The following DCAF8L2 variants were observed in gnomAD, a reference collection of about 807,000 sequenced individuals.
The protein encoded by DCAF8L2 is DDB1- and CUL4-associated factor 8-like protein 2.
For missense variants in DCAF8L2, 430 were observed against 490.7 expected, an observed-to-expected ratio of 0.88 and a Z score of 1.17; for synonymous variants, 200 against 190.9, an observed-to-expected ratio of 1.05 and a Z score of -0.39.
At chrX:27,709,953 C>A (rs950103722) in intron 3 of DCAF8L2, among the ~76,000 whole-genome samples, 8 of 94,173 alleles carry the variant, frequency 8.5e-5, no homozygotes, top group African/African-American at 2.9e-4. Flanking sequence ...ATATGCCCTA[C>A]TTTTTCTAGG....
At chrX:27,600,229 A>G (rs1011006475) in intron 1 of DCAF8L2, among the ~76,000 whole-genome samples, 2 of 112,199 alleles carry the variant, frequency 1.8e-5, no homozygotes, top group African/African-American at 6.5e-5. Context: ...AAACAGTTAA[A>G]TACAGTAAAA....
chrX:27,484,677 T>C, the DCAF8L2 span, among the ~76,000 whole-genome samples: 1 of 111,660 alleles, frequency 9.0e-6, no homozygotes, highest in Admixed American at 9.6e-5. Context: ...GTGTATGTTT[T>C]AGATGATTCC....
the DCAF8L2 span, among the ~76,000 whole-genome samples, chrX:27,472,589 G>A: frequency 9.0e-6 from 1 of 110,734 alleles, no homozygotes; most frequent in African/African-American, 3.3e-5. Flanking sequence ...TCCCCTCCCT[G>A]TATCCATGTT....
At chrX:27,556,650 T>A in the DCAF8L2 span, among the ~76,000 whole-genome samples, 1 of 111,936 alleles carries the variant, frequency 8.9e-6, no homozygotes, top group African/African-American at 3.2e-5. Flanking sequence ...TGAAGTGCCA[T>A]AAGAACATGA....
intron 2 of DCAF8L2, among the ~76,000 whole-genome samples, chrX:27,672,535 C>G (rs904731464): frequency 8.9e-6 from 1 of 111,915 alleles, no homozygotes; most frequent in Non-Finnish European, 1.9e-5. Flanking sequence ...ACAGCCACTG[C>G]CTCTTTGTAG....
intron 3 of DCAF8L2, among the ~76,000 whole-genome samples, chrX:27,697,696 A>G (rs1400164112): frequency 9.0e-6 from 1 of 111,406 alleles, no homozygotes; most frequent in Non-Finnish European, 1.9e-5. Flanking sequence ...TTGAAAATAG[A>G]CTGTCTCTAG....
chrX:27,677,302 A>T (rs183597603), intron 2 of DCAF8L2, among the ~76,000 whole-genome samples: 1 of 111,922 alleles, frequency 8.9e-6, no homozygotes, highest in East Asian at 2.8e-4. Flanking sequence ...AAAAGTACAC[A>T]TGGTTGATGC....
At chrX:27,476,823 C>G in the DCAF8L2 span, among the ~76,000 whole-genome samples, 1 of 111,952 alleles carries the variant, frequency 8.9e-6, no homozygotes, top group East Asian at 2.8e-4. Context: ...TTTTTTCTTG[C>G]AGCATTGTTT....
At chrX:27,492,110 C>T in the DCAF8L2 span, among the ~76,000 whole-genome samples, 1 of 112,402 alleles carries the variant, frequency 8.9e-6, no homozygotes, top group African/African-American at 3.2e-5. Context: ...TCCATTTTCT[C>T]TCTCAATTGC....
At chrX:27,722,925 A>T (rs192557752) in intron 4 of DCAF8L2, among the ~76,000 whole-genome samples, 2 of 111,340 alleles carry the variant, frequency 1.8e-5, no homozygotes, top group Admixed American at 1.9e-4. Flanking sequence ...TAGAAAAAAA[A>T]TAAGTTATTG....
chrX:27,546,426 C>A, the DCAF8L2 span, among the ~76,000 whole-genome samples: 1 of 111,694 alleles, frequency 9.0e-6, no homozygotes, highest in South Asian at 3.8e-4. Context: ...ACTCTAGGGT[C>A]TGGAGAACGG....
At chrX:27,610,318 T>G (rs2147135430) in intron 1 of DCAF8L2, among the ~76,000 whole-genome samples, 1 of 110,978 alleles carries the variant, frequency 9.0e-6, no homozygotes, top group African/African-American at 3.3e-5. Flanking sequence ...TTGGGTAAGT[T>G]TGGTGTCATA....
chrX:27,732,274 C>T (rs963968645), intron 4 of DCAF8L2, among the ~76,000 whole-genome samples: 1 of 111,061 alleles, frequency 9.0e-6, no homozygotes, highest in Non-Finnish European at 1.9e-5. Flanking sequence ...ACCTACATTT[C>T]CCCACTTCCT....
chrX:27,585,532 C>A (rs1379503372), upstream of DCAF8L2, among the ~76,000 whole-genome samples: 2 of 112,178 alleles, frequency 1.8e-5, no homozygotes, highest in Admixed American at 9.5e-5. Context: ...AATTTTGATG[C>A]CTCACAAGTC....
In DCAF8L2 at chrX:27,590,393, G is replaced by A. The variant is rs1926014895; in HGVS notation, c.-389G>A. Reference sequence around the variant, plus strand: ...CTCCCCACAAGGTTATTTAGAAGACGTCTTGCACTGTTCAAATGCAGAGGA... The same window carrying A: ...CTCCCCACAAGGTTATTTAGAAGACATCTTGCACTGTTCAAATGCAGAGGA... On this transcript the variant is annotated 5_prime_UTR_variant, in exon 1 of 5. Transcript: ENST00000451261. The A allele has an allele frequency of 9.0e-6, 1 of 111,479 alleles. No homozygotes were observed. Among genetic ancestry groups the A allele is most frequent in the Non-Finnish European group, 1.9e-5 (1 of 53,116 alleles). 9.2% of individuals were successfully genotyped at this position (111,479 alleles called of 1,213,427 possible).
At chrX:27,589,859 A>G (rs1252191761), upstream of DCAF8L2, among the ~76,000 whole-genome samples, 1 of 112,003 alleles carries the variant, frequency 8.9e-6, no homozygotes, top group Non-Finnish European at 1.9e-5. Flanking sequence ...CATAAAGGAC[A>G]AACTAAGCAA....
At chrX:27,624,181 T>A (rs758617618) in intron 1 of DCAF8L2, among the ~76,000 whole-genome samples, 1 of 111,759 alleles carries the variant, frequency 8.9e-6, no homozygotes, top group South Asian at 3.7e-4. Flanking sequence ...ACCATACTAA[T>A]ATCAGGGATT....
chrX:27,701,315 G>T (rs1188804112), intron 3 of DCAF8L2, among the ~76,000 whole-genome samples: 1 of 111,258 alleles, frequency 9.0e-6, no homozygotes, highest in African/African-American at 3.3e-5. Flanking sequence ...GTTTGATAGT[G>T]GATAGAACAA....
the DCAF8L2 span, among the ~76,000 whole-genome samples, chrX:27,499,024 A>G: frequency 3.6e-5 from 4 of 112,432 alleles, no homozygotes; most frequent in South Asian, 1.5e-3. Context: ...ATAATGCTGC[A>G]ATGAACATAG....
Sources: allele counts gnomAD v4.1 joint callset (sites outside exome capture counted in the v4.1 genomes callset), GRCh38; gene constraint gnomAD v4.1.1; transcripts MANE v1.5; gene names NCBI Gene and HGNC (gene_info 2026-07-23, HGNC 2026-07-21).